CCDC50: variants seen among roughly 807,000 people sequenced by gnomAD.
The protein encoded by CCDC50 is coiled-coil domain-containing protein 50.
In CCDC50, 54 loss-of-function variants were observed where a neutral mutation model predicts 70.2. The ratio of observed to expected loss-of-function variants is 0.77; its 90% confidence interval spans 0.62 to 0.96. CCDC50 has a LOEUF of 0.96. Ranked by LOEUF, CCDC50 falls within the 50% of genes least tolerant of loss-of-function variation. The probability of loss-of-function intolerance (pLI) is 0.00; values close to 1 mark genes in which losing one functional copy is unlikely to be tolerated. For synonymous variants in CCDC50, 216 were observed against 198.8 expected (o/e 1.09, Z -0.73); for missense variants, 558 against 578.7 (o/e 0.96, Z 0.37).
Position 191,395,089 on chromosome 3 carries a change from A to G in CCDC50, c.*3329A>G, listed in dbSNP as rs192759559. ...GGAGGAAAACCTTTTTAGAATGGCA[A>G]TGACCACTTGGATCTAGGTCAACAT... On this transcript the variant is annotated 3_prime_UTR_variant, in exon 12 of 12. Transcript: ENST00000392455. 1.3e-5 allele frequency: 2 copies of G among 152,304 alleles called. No homozygotes were observed. Among genetic ancestry groups the G allele is most frequent in the Admixed American group, 6.5e-5 (1 of 15,302 alleles). The allele number at this position is 152,304 out of a possible 1,614,324, so 9.4% of individuals were successfully genotyped here.
At chr3:191,357,232 G>T in intron 2 of CCDC50, 82 bp downstream of exon 2, 1 of 1,077,310 alleles carries the variant, frequency 9.3e-7, no homozygotes. Context: ...GGCTTAGGTG[G>T]GGAGAGAGCA....
At chr3:191,380,021 C>T in intron 6 of CCDC50, 138 bp from the exon 7 acceptor site, 1 of 651,430 alleles carries the variant, frequency 1.5e-6, no homozygotes. Flanking sequence ...TTAATGCACC[C>T]CACACTGTAT....
rs576473284 is a variant in CCDC50, at chr3:191,395,476, C to T, written c.*3716C>T. 2.0e-5 allele frequency: 3 copies of T among 152,242 alleles called. No homozygotes were observed. The South Asian group carries it at 6.2e-4, about 32-fold the overall frequency. The allele number at this position is 152,242 out of a possible 1,614,324, so 9.4% of individuals were successfully genotyped here. A position where few individuals can be genotyped will look rare whatever the true frequency, so the allele number is the denominator to read the frequency against. ...ATGTCTTGCCTTTGTATAAGCATCGCTTTGGGGAATACCAAGATGATTCAT... is the reference window on the plus strand; with the variant it reads ...ATGTCTTGCCTTTGTATAAGCATCGTTTTGGGGAATACCAAGATGATTCAT... On this transcript the variant is annotated 3_prime_UTR_variant, in exon 12 of 12. Coordinates refer to ENST00000392455, the MANE Select transcript of CCDC50 (RefSeq NM_178335.3).
chr3:191,350,758 G>A (rs1712081276), intron 1 of CCDC50, among the ~76,000 whole-genome samples: 1 of 142,014 alleles, frequency 7.0e-6, no homozygotes, highest in East Asian at 1.9e-4. Context: ...GGTGAAAGAA[G>A]GAGTTCTTGA....
chr3:191,392,941 T>G lies in CCDC50; in HGVS notation c.*1181T>G, dbSNP rs1713746046. The G allele has an allele frequency of 6.6e-6, 1 of 152,250 alleles. No homozygotes were observed. The highest frequency in any genetic ancestry group is 2.4e-5 in the African/African-American group (1 of 41,450). 9.4% of individuals were successfully genotyped at this position (152,250 alleles called of 1,614,324 possible). On this transcript the variant is annotated 3_prime_UTR_variant, in exon 12 of 12. Transcript: ENST00000392455. Reference sequence around the variant, plus strand: ...TTAGTAAAGAGCGGGTTTCACCATGTTGGCCAGGCTGGTCTCGAACCCCTG... The same window carrying G: ...TTAGTAAAGAGCGGGTTTCACCATGGTGGCCAGGCTGGTCTCGAACCCCTG...
chr3:191,358,837 G>A (rs1712384761), intron 3 of CCDC50, among the ~76,000 whole-genome samples: 1 of 152,116 alleles, frequency 6.6e-6, no homozygotes, highest in Non-Finnish European at 1.5e-5. Context: ...TGAGGAGGAA[G>A]GGGTAAAGGA....
intron 4 of CCDC50, among the ~76,000 whole-genome samples, chr3:191,369,684 C>G (rs1204846887): frequency 6.6e-6 from 1 of 152,084 alleles, no homozygotes. Context: ...TGAATGTCTT[C>G]CATGTTGTGG....
chr3:191,346,618 A>G (rs1479837284), intron 1 of CCDC50, among the ~76,000 whole-genome samples: 2 of 152,190 alleles, frequency 1.3e-5, no homozygotes, highest in Admixed American at 6.5e-5. Context: ...AGTTGTTTCT[A>G]CAAAACACCT....
intron 4 of CCDC50, among the ~76,000 whole-genome samples, chr3:191,366,986 G>C (rs1042574365): frequency 3.3e-5 from 5 of 152,066 alleles, no homozygotes; most frequent in African/African-American, 9.7e-5. Flanking sequence ...AAAACTCATT[G>C]CATAGTAATG....
Position 191,380,313 on chromosome 3 carries a change from G to A in CCDC50, c.1092+39G>A, listed in dbSNP as rs773399197. The A allele has an allele frequency of 3.1e-6, 4 of 1,293,270 alleles. No individual in the cohort carries two copies. In the African/African-American group the frequency reaches 5.9e-5, roughly 19 times the overall value. 80.1% of individuals were successfully genotyped at this position (1,293,270 alleles called of 1,614,324 possible). On this transcript the variant is annotated intron_variant, in intron 7 of 11. Coordinates refer to ENST00000392455, the MANE Select transcript of CCDC50 (RefSeq NM_178335.3). ...AAGGCAAAAGTTTAGATATATTGAT[G>A]GGTATTTTTTTTGTGAATCTAGTCC...
At chr3:191,339,102 G>A (rs1429415015) in intron 1 of CCDC50, among the ~76,000 whole-genome samples, 7 of 152,160 alleles carry the variant, frequency 4.6e-5, no homozygotes, top group Non-Finnish European at 1.5e-5. Context: ...GGAGACAGTT[G>A]TGAAGAATCT....
At chr3:191,368,681 T>C (rs925114189) in intron 4 of CCDC50, among the ~76,000 whole-genome samples, 2 of 152,140 alleles carry the variant, frequency 1.3e-5, no homozygotes, top group Non-Finnish European at 2.9e-5. Flanking sequence ...ATTTATAACA[T>C]TAACATTTAA....
chr3:191,371,434 A>C (rs1712910606), intron 5 of CCDC50, among the ~76,000 whole-genome samples: 1 of 152,254 alleles, frequency 6.6e-6, no homozygotes, highest in Non-Finnish European at 1.5e-5. Context: ...ACCAATACTT[A>C]GGATCACAAG....
In CCDC50 at chr3:191,380,207, T is replaced by C. The variant is rs567955226; in HGVS notation, c.1025T>C (p.Met342Thr). 24 of 1,612,224 alleles carry C rather than the reference T, an allele frequency of 1.5e-5. No homozygotes were observed. The highest frequency in any genetic ancestry group is 1.7e-4 in the Middle Eastern group (1 of 6,060). The change falls in exon 7 of 12, where the codon ATG (methionine) becomes ACG (threonine). Residue 342 changes from methionine to threonine, a missense_variant. Transcript: ENST00000392455. The part of the protein sequence containing the change: ...MKEAVSTPSR[M>T]AHRDQEWYDA... Reference sequence around the variant, plus strand: ...GAAGCTGTATCTACTCCATCACGAATGGCCCACAGGGATCAGGAATGGTAT... The same window carrying C: ...GAAGCTGTATCTACTCCATCACGAACGGCCCACAGGGATCAGGAATGGTAT...
chr3:191,373,926 T>C (rs568882980), intron 5 of CCDC50, among the ~76,000 whole-genome samples: 6 of 152,290 alleles, frequency 3.9e-5, no homozygotes, highest in African/African-American at 1.4e-4. Flanking sequence ...CAGATTAATA[T>C]CAAATGAAAC....
At chr3:191,379,611 TATTTACTCTC>T (rs1366956007) in intron 6 of CCDC50, among the ~76,000 whole-genome samples, 2 of 152,082 alleles carry the variant, frequency 1.3e-5, no homozygotes, top group African/African-American at 4.8e-5. Flanking sequence ...CGAGTGGGTT[TATTTACTCTC>T]AGAGGAAAAG....
At chr3:191,351,677 G>A (rs963144191) in intron 1 of CCDC50, among the ~76,000 whole-genome samples, 1 of 141,430 alleles carries the variant, frequency 7.1e-6, no homozygotes, top group Non-Finnish European at 1.6e-5. Flanking sequence ...AAATATAAGA[G>A]ATAGAGTTTG....
chr3:191,353,847 C>A (rs879566256), intron 1 of CCDC50, among the ~76,000 whole-genome samples: 4 of 98,346 alleles, frequency 4.1e-5, no homozygotes, highest in Non-Finnish European at 1.0e-4. Flanking sequence ...TGTACTTCCT[C>A]ATAATCATTG....
Position 191,374,627 on chromosome 3 carries a change from G to A in CCDC50, c.449-435G>A, listed in dbSNP as rs149052309. On this transcript the variant is annotated intron_variant, in intron 5 of 11. Transcript: ENST00000392455. ...ATAGTTTTATTGGCATTTCCAGTAA[G>A]AATATTTGAAAGCCTCTGTCTGAAA... 3.2e-3 allele frequency among the ~76,000 whole-genome samples: 484 copies of A among 152,236 alleles called. 3 individuals are homozygous for A. The highest frequency in any genetic ancestry group is 0.011 in the African/African-American group (459 of 41,536).
Sources: gnomAD v4.1 joint callset for allele counts (sites outside exome capture counted in the v4.1 genomes callset) on GRCh38, gnomAD v4.1.1 for gene constraint, MANE v1.5 for transcripts, NCBI Gene and HGNC (gene_info 2026-07-23, HGNC 2026-07-21) for gene names.